The following BTBD8 variants were observed in gnomAD, a reference collection of about 807,000 sequenced individuals.
The protein encoded by BTBD8 is BTB/POZ domain-containing protein 8.
A neutral mutation model predicts 162.9 loss-of-function variants in BTBD8; 110 were observed. The ratio of observed to expected loss-of-function variants is 0.68; its 90% CI spans 0.58 to 0.79. The LOEUF (loss-of-function observed/expected upper bound fraction) is 0.79, where lower values mean the gene tolerates loss of function less well. Among genes scored for constraint, BTBD8 ranks in the 30% least tolerant of loss-of-function variants. The pLI is 0.00. For synonymous variants in BTBD8, 667 were observed against 716.1 expected (o/e 0.93, Z 1.10); for missense variants, 1,905 against 2,085.4 (o/e 0.91, Z 1.68).
At chr1:92,133,857 G>A (rs1326891921) in intron 5 of BTBD8, among the ~76,000 whole-genome samples, 1 of 151,742 alleles carries the variant, frequency 6.6e-6, no homozygotes, top group Non-Finnish European at 1.5e-5. Flanking sequence ...GTAGTCCCAG[G>A]TACTTGGGAG....
At chr1:92,147,981 G>C in intron 9 of BTBD8, 195 bp downstream of exon 9, 1 of 568,632 alleles carries the variant, frequency 1.8e-6, no homozygotes, top group Non-Finnish European at 3.1e-6. Flanking sequence ...AGTCAGGGTT[G>C]AAACAGAGAA....
intron 3 of BTBD8, among the ~76,000 whole-genome samples, chr1:92,105,656 T>G (rs186305024): frequency 6.6e-6 from 1 of 152,376 alleles, no homozygotes; most frequent in East Asian, 1.9e-4. Context: ...CAAAGTTTGT[T>G]GACAGGCAAG....
In BTBD8 at chr1:92,171,393, C is replaced by A; in HGVS notation, c.1574-6C>A. 1 of 1,538,322 alleles carries A rather than the reference C, an allele frequency of 6.5e-7. No homozygotes were observed. The highest frequency in any genetic ancestry group is 1.2e-5 in the South Asian group (1 of 81,480). The stretch of plus-strand genomic sequence containing the variant: ...TATAAAAACAAATTGCTGTTTCTTT[C>A]TACAGCTGCATTTGACAAAGGTGAT... On this transcript the variant is annotated splice_region_variant and splice_polypyrimidine_tract_variant and intron_variant, in intron 12 of 17. Transcript: ENST00000636805.
intron 5 of BTBD8, among the ~76,000 whole-genome samples, chr1:92,137,829 T>C (rs1483020): frequency 0.053 from 8,094 of 152,212 alleles, 765 homozygotes; most frequent in African/African-American, 0.18. Context: ...TCGTATACAC[T>C]GTCAAATTCA....
At chr1:92,105,441 T>C (rs1648701711) in intron 3 of BTBD8, among the ~76,000 whole-genome samples, 3 of 151,326 alleles carry the variant, frequency 2.0e-5, no homozygotes, top group Admixed American at 6.6e-5. Context: ...TTAGTAGAGA[T>C]GAGGTTTCCC....
At chr1:92,124,711 AAG>A (rs1467126840) in intron 4 of BTBD8, among the ~76,000 whole-genome samples, 1 of 152,226 alleles carries the variant, frequency 6.6e-6, no homozygotes, top group Non-Finnish European at 1.5e-5. Flanking sequence ...GCAACATAGT[AAG>A]ACTCTGTCTC....
intron 3 of BTBD8, among the ~76,000 whole-genome samples, chr1:92,104,114 G>A (rs757338379): frequency 3.9e-5 from 6 of 152,228 alleles, no homozygotes; most frequent in South Asian, 2.1e-4. Flanking sequence ...AAGCAAATGC[G>A]AAATTCATGT....
At chr1:92,113,122 A>T (rs1254087576) in intron 4 of BTBD8, among the ~76,000 whole-genome samples, 2 of 152,230 alleles carry the variant, frequency 1.3e-5, no homozygotes, top group African/African-American at 2.4e-5. Context: ...AGTTTTTGGC[A>T]TGTTGGAAAA....
intron 5 of BTBD8, among the ~76,000 whole-genome samples, chr1:92,131,206 G>T (rs750270443): frequency 1.1e-4 from 16 of 152,146 alleles, no homozygotes; most frequent in Non-Finnish European, 2.1e-4. Flanking sequence ...ATACAAATTG[G>T]CTGTTCAATG....
At position 92,177,387 on chromosome 1, in the gene BTBD8, T is replaced by A. The variant is rs1253766007; in HGVS notation, c.2194T>A (p.Ser732Thr). The A allele has an allele frequency of 1.2e-5, 18 of 1,551,612 alleles. No homozygotes were observed. The highest frequency in any genetic ancestry group is 1.6e-5 in the Non-Finnish European group (18 of 1,147,028). The change falls in exon 14 of 18, where the codon TCA (serine) becomes ACA (threonine). Residue 732 changes from serine to threonine, a missense_variant. Around this residue, in one of 3 missense-constraint regions of BTBD8, gnomAD observed 1,374 missense variants for 1,442.7 expected, o/e 0.95. Coordinates refer to ENST00000636805, the MANE Select transcript of BTBD8 (RefSeq NM_001376131.1). ...IAGPSSRSTD[S>T]SMEFSISTEC... The stretch of plus-strand genomic sequence containing the variant: ...AGGACCCTCCAGCAGATCCACAGAT[T>A]CAAGTATGGAATTCTCAATTTCCAC...
intron 2 of BTBD8, among the ~76,000 whole-genome samples, chr1:92,096,415 A>G (rs1042949242): frequency 6.6e-6 from 1 of 152,144 alleles, no homozygotes; most frequent in African/African-American, 2.4e-5. Context: ...TCAAAACCCC[A>G]AATCTTACAT....
intron 9 of BTBD8, among the ~76,000 whole-genome samples, chr1:92,158,313 T>G (rs1421132888): frequency 6.6e-6 from 1 of 152,150 alleles, no homozygotes; most frequent in Non-Finnish European, 1.5e-5. Context: ...GTCCCTCTTT[T>G]TATCTCCTGC....
At position 92,129,584 on chromosome 1, in the gene BTBD8, G is replaced by T. The variant is rs151333030; in HGVS notation, c.663-103G>T. On this transcript the variant is annotated intron_variant, in intron 4 of 17. Transcript: ENST00000636805. ...CCTATGAATACAAACAAAACAAATA[G>T]ATTATTGTGTTTTAATACATAAAGA... is the stretch of plus-strand genomic sequence containing the variant. 4.5e-4 allele frequency: 392 copies of T among 868,236 alleles called. 3 individuals carry two copies. The African/African-American group carries it at 5.9e-3, about 13-fold the overall frequency. The allele number at this position is 868,236 out of a possible 1,614,324, so 53.8% of individuals were successfully genotyped here.
rs1055089568 is a variant in BTBD8 at position 92,139,260 on chromosome 1, A to G, written c.753-90A>G. On this transcript the variant is annotated intron_variant, in intron 5 of 17. Coordinates refer to ENST00000636805, the MANE Select transcript of BTBD8 (RefSeq NM_001376131.1). ...CAGGTAAAAGGAAGATTAGAACATC[A>G]TCTTGGCTCGAAGTTTATGGGAAAA... is the stretch of plus-strand genomic sequence containing the variant. The G allele has an allele frequency of 2.9e-6, 4 of 1,367,070 alleles. No individual in the cohort carries two copies. In the African/African-American group the frequency reaches 4.5e-5, roughly 15 times the overall value. 84.7% of individuals were successfully genotyped at this position (1,367,070 alleles called of 1,614,324 possible). A position where few individuals can be genotyped will look rare whatever the true frequency, so the allele number is the denominator to read the frequency against.
intron 4 of BTBD8, among the ~76,000 whole-genome samples, chr1:92,111,785 A>G (rs758790089): frequency 1.3e-5 from 2 of 152,216 alleles, no homozygotes; most frequent in Non-Finnish European, 2.9e-5. Flanking sequence ...TGTGTGATAG[A>G]TATCTGTAAG....
At chr1:92,105,109 T>A (rs1222492578) in intron 3 of BTBD8, among the ~76,000 whole-genome samples, 3 of 152,130 alleles carry the variant, frequency 2.0e-5, no homozygotes, top group Non-Finnish European at 4.4e-5. Context: ...ATTTTTTATA[T>A]TTTTAGTAGA....
intron 11 of BTBD8, among the ~76,000 whole-genome samples, chr1:92,168,562 A>G (rs1650446878): frequency 6.6e-6 from 1 of 152,242 alleles, no homozygotes; most frequent in African/African-American, 2.4e-5. Flanking sequence ...TTACTATTCC[A>G]TAGAGCATTT....
At chr1:92,148,020 T>A (rs1419984837) in intron 9 of BTBD8, among the ~76,000 whole-genome samples, 1 of 152,158 alleles carries the variant, frequency 6.6e-6, no homozygotes, top group Non-Finnish European at 1.5e-5. Flanking sequence ...GTATATTGAT[T>A]CATGAACAAA....
At chr1:92,175,816 GAA>G (rs574464568) in intron 13 of BTBD8, among the ~76,000 whole-genome samples, 1 of 149,234 alleles carries the variant, frequency 6.7e-6, no homozygotes, top group Non-Finnish European at 1.5e-5. Flanking sequence ...AAAAAAGAAA[GAA>G]AAAAAAGAAT....
Sources: allele counts gnomAD v4.1 joint callset (sites outside exome capture counted in the v4.1 genomes callset), GRCh38; gene constraint gnomAD v4.1.1; regional missense constraint gnomAD v4.1.1; transcripts MANE v1.5; gene names NCBI Gene and HGNC (gene_info 2026-07-23, HGNC 2026-07-21).